The following CTNNA2 variants were observed in gnomAD, a reference collection of about 807,000 sequenced individuals.
The protein encoded by CTNNA2 is catenin alpha-2.
In CTNNA2, 42 loss-of-function variants were observed where a neutral mutation model predicts 101.0. The ratio of observed to expected loss-of-function variants is 0.42; its 90% CI spans 0.32 to 0.54. The LOEUF is 0.54. Among genes scored for constraint, CTNNA2 ranks in the 20% least tolerant of loss-of-function variants. CTNNA2 has a pLI of 0.14. For synonymous variants in CTNNA2, 450 were observed against 456.4 expected (o/e 0.99, Z 0.18); for missense variants, 871 against 1,223.1 (o/e 0.71, Z 4.29).
intron 1 of CTNNA2, chr2:79,633,643 A>G (rs1325973766): frequency 6.6e-6 from 1 of 152,158 alleles, no homozygotes; most frequent in Non-Finnish European, 1.5e-5. Flanking sequence ...TTACACTCAA[A>G]TGTAATTCTG....
chr2:80,277,739 A>G (rs1250335395), intron 7 of CTNNA2, among the ~76,000 whole-genome samples: 1 of 152,032 alleles, frequency 6.6e-6, no homozygotes, highest in East Asian at 1.9e-4. Context: ...GTTATAGGGA[A>G]TTCTTTTTCC....
At chr2:79,780,929 A>T (rs1674373112) in intron 3 of CTNNA2, among the ~76,000 whole-genome samples, 1 of 152,224 alleles carries the variant, frequency 6.6e-6, no homozygotes, top group African/African-American at 2.4e-5. Flanking sequence ...AAAAAAGAAA[A>T]GTAATAAAGA....
At chr2:79,330,587 G>A (rs577719571) in intron 3 of CTNNA2, among the ~76,000 whole-genome samples, 1 of 152,156 alleles carries the variant, frequency 6.6e-6, no homozygotes, top group Non-Finnish European at 1.5e-5. Context: ...ATATCATCTT[G>A]AACTGTAGCT....
At chr2:79,958,387 A>C (rs1689390570) in intron 7 of CTNNA2, among the ~76,000 whole-genome samples, 1 of 152,130 alleles carries the variant, frequency 6.6e-6, no homozygotes, top group Non-Finnish European at 1.5e-5. Flanking sequence ...AGATGGAGAG[A>C]CTGTCCTGGA....
chr2:79,746,761 C>T (rs1234588638), intron 3 of CTNNA2, among the ~76,000 whole-genome samples: 1 of 152,160 alleles, frequency 6.6e-6, no homozygotes, highest in Non-Finnish European at 1.5e-5. Flanking sequence ...CTCAGGGAAA[C>T]TTTATCTGAA....
intron 2 of CTNNA2, among the ~76,000 whole-genome samples, chr2:79,696,021 CT>C (rs1209626491): frequency 6.6e-6 from 1 of 151,958 alleles, no homozygotes; most frequent in Non-Finnish European, 1.5e-5. Context: ...TATCCTGTCC[CT>C]TGGTGGAAGC....
chr2:80,576,388 G>GCTTA (rs1695051601), intron 13 of CTNNA2: 1 of 137,940 alleles, frequency 7.2e-6, no homozygotes, highest in African/African-American at 2.7e-5. Context: ...TTTTTTTTTT[G>GCTTA]CTTCTTCCTG....
intron 2 of CTNNA2, among the ~76,000 whole-genome samples, chr2:79,228,235 T>A (rs1180230799): frequency 6.6e-6 from 1 of 152,238 alleles, no homozygotes; most frequent in African/African-American, 2.4e-5. Context: ...TGGGACTTTA[T>A]GACAGGATGA....
chr2:79,651,445 A>G (rs1030202093), intron 1 of CTNNA2, 107 bp from the exon 2 acceptor site: 28 of 1,033,848 alleles, frequency 2.7e-5, no homozygotes, highest in East Asian at 2.5e-5. Context: ...CAGAGAGGCT[A>G]TCTTCCAGTA....
At chr2:80,622,615 T>C (rs554545021) in intron 18 of CTNNA2, among the ~76,000 whole-genome samples, 1 of 151,996 alleles carries the variant, frequency 6.6e-6, no homozygotes, top group East Asian at 1.9e-4. Flanking sequence ...GGGAATAGGT[T>C]ATTGATTTGG....
chr2:80,416,586 A>G (rs900268163), intron 8 of CTNNA2, among the ~76,000 whole-genome samples: 1 of 152,098 alleles, frequency 6.6e-6, no homozygotes, highest in African/African-American at 2.4e-5. Flanking sequence ...TTCCCCTATA[A>G]TTAAAATTAC....
chr2:79,816,199 A>G (rs1677478317), intron 3 of CTNNA2, among the ~76,000 whole-genome samples: 1 of 152,122 alleles, frequency 6.6e-6, no homozygotes, highest in African/African-American at 2.4e-5. Flanking sequence ...ATCGTCAGCA[A>G]TGAGTGACAG....
At chr2:80,450,715 A>C (rs1683427575) in intron 9 of CTNNA2, among the ~76,000 whole-genome samples, 1 of 152,192 alleles carries the variant, frequency 6.6e-6, no homozygotes, top group African/African-American at 2.4e-5. Flanking sequence ...CAAGCTAGAC[A>C]GTCTTAAAAG....
chr2:79,417,622 C>G (rs936311568), intron 4 of CTNNA2, among the ~76,000 whole-genome samples: 3 of 152,262 alleles, frequency 2.0e-5, no homozygotes, highest in Admixed American at 1.3e-4. Context: ...CTGAAATTCT[C>G]TCTTCAGAAT....
rs145927930 is a variant in CTNNA2 at position 80,524,883 on chromosome 2, T to TG, written c.1291-20097dup. Among the ~76,000 whole-genome samples, 52 of 152,298 alleles carry TG rather than the reference T, an allele frequency of 3.4e-4. 2 individuals are homozygous for TG. In the East Asian group the frequency reaches 9.9e-3, roughly 29 times the overall value. ...GTATTTGACTTCATTCGCTCTTTTA[T>TG]GGTCTGTATTATCTCATTAGATGTC... On this transcript the variant is annotated intron_variant, in intron 9 of 18. Coordinates refer to ENST00000402739, the MANE Select transcript of CTNNA2 (RefSeq NM_001282597.3).
intron 6 of CTNNA2, among the ~76,000 whole-genome samples, chr2:79,888,095 C>T (rs1427519238): frequency 6.6e-6 from 1 of 152,182 alleles, no homozygotes; most frequent in Non-Finnish European, 1.5e-5. Flanking sequence ...CTACCTATGA[C>T]AACCTTCTGA....
At chr2:79,364,557 C>G (rs1677702512) in intron 3 of CTNNA2, among the ~76,000 whole-genome samples, 1 of 152,260 alleles carries the variant, frequency 6.6e-6, no homozygotes, top group Middle Eastern at 3.4e-3. Context: ...ATACATTAAA[C>G]AAAACCAGCA....
chr2:79,703,144 C>A (rs1019620651), intron 2 of CTNNA2, among the ~76,000 whole-genome samples: 4 of 152,200 alleles, frequency 2.6e-5, no homozygotes, highest in Admixed American at 1.3e-4. Flanking sequence ...ATTAGTCTTT[C>A]TCCAACTTAG....
At chr2:79,466,922 G>A (rs112021029) in intron 4 of CTNNA2, among the ~76,000 whole-genome samples, 1 of 152,212 alleles carries the variant, frequency 6.6e-6, no homozygotes, top group African/African-American at 2.4e-5. Context: ...CCACAAAGAT[G>A]GGGAAAAAAC....
Sources: gnomAD v4.1 joint callset for allele counts (sites outside exome capture counted in the v4.1 genomes callset) on GRCh38, gnomAD v4.1.1 for gene constraint, MANE v1.5 for transcripts, NCBI Gene and HGNC (gene_info 2026-07-23, HGNC 2026-07-21) for gene names.